YTHDF3: variants seen among roughly 807,000 people sequenced by gnomAD.
The protein encoded by YTHDF3 is YTH N6-methyladenosine RNA binding protein F3.
In YTHDF3, 9 loss-of-function variants were observed where a neutral mutation model predicts 52.5. The observed-to-expected ratio is 0.17, with a 90% confidence interval of 0.10 to 0.30. The LOEUF (loss-of-function observed/expected upper bound fraction) is 0.30, where lower values mean the gene tolerates loss of function less well. Ranked by LOEUF, YTHDF3 falls within the 10% of genes least tolerant of loss-of-function variation. The probability of loss-of-function intolerance (pLI) is 1.00; values close to 1 mark genes in which losing one functional copy is unlikely to be tolerated. For missense variants in YTHDF3, 534 were observed against 715.0 expected (o/e 0.75, Z 2.89); for synonymous variants, 274 against 243.3 (o/e 1.13, Z -1.18).
intron 4 of YTHDF3, chr8:63,188,697 A>T (rs1290147597): frequency 4.9e-4 from 31 of 63,552 alleles, no homozygotes; most frequent in African/African-American, 2.0e-3. Context: ...ATATATATAT[A>T]TATATTTTTT....
At chr8:63,200,408 T>C (rs879545227) in intron 4 of YTHDF3, among the ~76,000 whole-genome samples, 22 of 152,052 alleles carry the variant, frequency 1.4e-4, no homozygotes, top group Admixed American at 4.6e-4. Context: ...TTTTTAAATT[T>C]CTTTTTCTTT....
rs1018108836 is a variant in YTHDF3 at position 63,187,214 on chromosome 8, A to T, written c.1203A>T (p.Ile401=). Residue 401 remains isoleucine (I), a synonymous_variant, in exon 4 of 5, where the codon ATA becomes ATT. Coordinates refer to ENST00000539294, the MANE Select transcript of YTHDF3 (RefSeq NM_152758.6). ...CCGTGCTGGAAAAGCTAAAGGCCAT[A>T]AACAACTATAATCCCAAAGACTTTG... ...VHPVLEKLKA[I]NNYNPKDFDW... is the part of the protein sequence containing the mutation. 6.2e-7 allele frequency: 1 copy of T among 1,613,920 alleles called. No homozygotes were observed. Among genetic ancestry groups the T allele is most frequent in the African/African-American group, 1.3e-5 (1 of 74,934 alleles).
At chr8:63,175,829 G>C (rs1483929290) in intron 3 of YTHDF3, 1 of 154,406 alleles carries the variant, frequency 6.5e-6, no homozygotes, top group African/African-American at 2.4e-5. Context: ...TGCAATTTTG[G>C]GTCAAATGTA....
At chr8:63,182,973 T>A (rs1003421423) in intron 3 of YTHDF3, among the ~76,000 whole-genome samples, 1 of 150,926 alleles carries the variant, frequency 6.6e-6, no homozygotes, top group Non-Finnish European at 1.5e-5. Flanking sequence ...TTTTTTTTCT[T>A]TTTTGAGACA....
chr8:63,202,039 T>TA (rs1585783687), intron 4 of YTHDF3, among the ~76,000 whole-genome samples: 2 of 152,180 alleles, frequency 1.3e-5, no homozygotes, highest in Admixed American at 1.3e-4. Flanking sequence ...AGATAAATAA[T>TA]AAAGGGTACC....
At chr8:63,180,032 C>G (rs1042331665) in intron 3 of YTHDF3, among the ~76,000 whole-genome samples, 1 of 151,364 alleles carries the variant, frequency 6.6e-6, no homozygotes, top group African/African-American at 2.4e-5. Context: ...GCTGATCCCC[C>G]CATCTCCCTC....
At chr8:63,178,607 A>G (rs1161337473) in intron 3 of YTHDF3, among the ~76,000 whole-genome samples, 1 of 152,108 alleles carries the variant, frequency 6.6e-6, no homozygotes, top group Non-Finnish European at 1.5e-5. Flanking sequence ...GGCCTGTTCT[A>G]CCTCTCCTTT....
At chr8:63,191,773 T>G (rs1808927799) in intron 4 of YTHDF3, among the ~76,000 whole-genome samples, 1 of 152,194 alleles carries the variant, frequency 6.6e-6, no homozygotes, top group Non-Finnish European at 1.5e-5. Context: ...TTTAAGATGT[T>G]TATCTTTCAC....
chr8:63,209,737 C>T lies in YTHDF3; in HGVS notation c.*31C>T, dbSNP rs200422168. ...TGAAGATGTCCTGTTAAATTTACAA[C>T]ACTAACGATGTAGACTCTGGAAATG... On this transcript the variant is annotated 3_prime_UTR_variant, in exon 5 of 5. Transcript: ENST00000539294. The T allele has an allele frequency of 6.4e-7, 1 of 1,558,820 alleles. No homozygotes were observed. The highest frequency in any genetic ancestry group is 8.6e-7 in the Non-Finnish European group (1 of 1,157,910).
In YTHDF3 at chr8:63,200,435, C is replaced by T. The variant is rs530013747; in HGVS notation, c.1735-9248C>T. On this transcript the variant is annotated intron_variant, in intron 4 of 4. Transcript: ENST00000539294. ...TTTTTCTTTTTTTTCTTTTTTTTTT[C>T]CTTATTCTTTAATTTGAGATACTGG... 2.3e-3 allele frequency among the ~76,000 whole-genome samples: 290 copies of T among 127,106 alleles called. 2 individuals carry two copies. The highest frequency in any genetic ancestry group is 7.4e-3 in the African/African-American group (255 of 34,254). The allele number at this position is 127,106 out of a possible 152,430, so 83.4% of individuals were successfully genotyped here.
In YTHDF3 at chr8:63,210,759, T is replaced by C. The variant is rs1387013200; in HGVS notation, c.*1053T>C. 1 of 152,602 alleles carries C rather than the reference T, an allele frequency of 6.6e-6. No homozygotes were observed. 9.5% of individuals were successfully genotyped at this position (152,602 alleles called of 1,614,324 possible). On this transcript the variant is annotated 3_prime_UTR_variant, in exon 5 of 5. Coordinates refer to ENST00000539294, the MANE Select transcript of YTHDF3 (RefSeq NM_152758.6). ...CAGTATCTAAGTGAATGTGTTGATGTTTTATTGATCAGATCTATATAAGTG... is the reference window on the plus strand; with the variant it reads ...CAGTATCTAAGTGAATGTGTTGATGCTTTATTGATCAGATCTATATAAGTG...
intron 2 of YTHDF3, among the ~76,000 whole-genome samples, chr8:63,171,007 T>C (rs1807288088): frequency 1.3e-5 from 2 of 152,202 alleles, no homozygotes; most frequent in South Asian, 4.1e-4. Flanking sequence ...AATAAGTATT[T>C]TTTGGTTATT....
chr8:63,191,153 G>A (rs1808887686), intron 4 of YTHDF3, among the ~76,000 whole-genome samples: 2 of 151,804 alleles, frequency 1.3e-5, no homozygotes, highest in Non-Finnish European at 2.9e-5. Flanking sequence ...CTGTTTTTTT[G>A]GTGTGTGCAC....
intron 3 of YTHDF3, among the ~76,000 whole-genome samples, chr8:63,181,360 T>C (rs1381005637): frequency 6.6e-6 from 1 of 152,222 alleles, no homozygotes; most frequent in Non-Finnish European, 1.5e-5. Flanking sequence ...TGTTAAGTAA[T>C]TACTATAGCT....
chr8:63,180,819 C>G (rs1032813175), intron 3 of YTHDF3, among the ~76,000 whole-genome samples: 2 of 152,210 alleles, frequency 1.3e-5, no homozygotes, highest in African/African-American at 4.8e-5. Flanking sequence ...CAAAAAAATA[C>G]GAAAACCAGT....
chr8:63,179,985 ACCTC>A (rs1412001122), intron 3 of YTHDF3, among the ~76,000 whole-genome samples: 2 of 133,358 alleles, frequency 1.5e-5, no homozygotes, highest in Non-Finnish European at 3.2e-5. Flanking sequence ...TGATCCCCCC[ACCTC>A]CCTCCCGGAT....
Position 63,209,980 on chromosome 8 carries a change from G to A in YTHDF3, c.*274G>A. 1 of 349,594 alleles carries A rather than the reference G, an allele frequency of 2.9e-6. No homozygotes were observed. Among genetic ancestry groups the A allele is most frequent in the Non-Finnish European group, 5.2e-6 (1 of 193,462 alleles). The allele number at this position is 349,594 out of a possible 1,614,324, so 21.7% of individuals were successfully genotyped here. A position where few individuals can be genotyped will look rare whatever the true frequency, so the allele number is the denominator to read the frequency against. On this transcript the variant is annotated 3_prime_UTR_variant, in exon 5 of 5. Coordinates refer to ENST00000539294, the MANE Select transcript of YTHDF3 (RefSeq NM_152758.6). Reference sequence around the variant, plus strand: ...CTGTCTTTTGTAATTATGCATCCTAGCTAAGGCACAGAAGACTGAATGAAT... The same window carrying A: ...CTGTCTTTTGTAATTATGCATCCTAACTAAGGCACAGAAGACTGAATGAAT...
chr8:63,178,926 TTTAA>T (rs563219673), intron 3 of YTHDF3, among the ~76,000 whole-genome samples: 30 of 152,092 alleles, frequency 2.0e-4, no homozygotes, highest in Non-Finnish European at 3.5e-4. Context: ...TACACAACTA[TTTAA>T]TTAGGTCCTC....
At position 63,208,913 on chromosome 8, in the gene YTHDF3, C is replaced by T. The variant is rs958876637; in HGVS notation, c.1735-770C>T. ...ATGGAGTTTTGCTCTTGTTGCCCAGCCTGGAGTGCAATGGTGCCATCTTGG... is the reference window on the plus strand; with the variant it reads ...ATGGAGTTTTGCTCTTGTTGCCCAGTCTGGAGTGCAATGGTGCCATCTTGG... On this transcript the variant is annotated intron_variant, in intron 4 of 4. Coordinates refer to ENST00000539294, the MANE Select transcript of YTHDF3 (RefSeq NM_152758.6). Among the ~76,000 whole-genome samples the T allele has an allele frequency of 2.0e-5, 3 of 152,078 alleles. No individual in the cohort carries two copies. In the East Asian group the frequency reaches 5.8e-4, roughly 29 times the overall value.
Sources: allele counts gnomAD v4.1 joint callset (sites outside exome capture counted in the v4.1 genomes callset), GRCh38; gene constraint gnomAD v4.1.1; transcripts MANE v1.5; gene names NCBI Gene and HGNC (gene_info 2026-07-23, HGNC 2026-07-21).